Variants in CLMN observed in about 807,000 individuals in gnomAD.
CLMN encodes the protein calmin.
Under a neutral mutation model 92.7 loss-of-function variants are expected in CLMN, and 57 were observed. That is an observed-to-expected ratio of 0.61 (90% CI 0.50 to 0.77). CLMN has a LOEUF of 0.77. CLMN is among the 30% of genes least tolerant of loss of function. CLMN has a pLI of 0.00. For synonymous variants in CLMN, 466 were observed against 470.6 expected, an observed-to-expected ratio of 0.99 and a Z score of 0.13; for missense variants, 1,158 against 1,237.5, an observed-to-expected ratio of 0.94 and a Z score of 0.96.
chr14:95,235,149 C>T (rs1898011175), intron 1 of CLMN, among the ~76,000 whole-genome samples: 1 of 152,162 alleles, frequency 6.6e-6, no homozygotes, highest in Admixed American at 6.5e-5. Flanking sequence ...AGAGCAAGCA[C>T]ATGTACTCAT....
chr14:95,208,489 T>C (rs1481087202), intron 8 of CLMN, among the ~76,000 whole-genome samples: 1 of 152,214 alleles, frequency 6.6e-6, no homozygotes, highest in Non-Finnish European at 1.5e-5. Context: ...CATTGTCTTT[T>C]ATGATTTGTA....
intron 1 of CLMN, among the ~76,000 whole-genome samples, chr14:95,244,536 G>A (rs747729123): frequency 3.9e-5 from 6 of 152,132 alleles, no homozygotes; most frequent in South Asian, 2.1e-4. Context: ...AACTAAGAAC[G>A]CACAGAAACA....
At chr14:95,196,463 T>C in intron 10 of CLMN, 35 bp downstream of exon 10, 1 of 1,583,644 alleles carries the variant, frequency 6.3e-7, no homozygotes, top group Non-Finnish European at 8.6e-7. Flanking sequence ...ACTCTCTGGC[T>C]CCACCTTACG....
At chr14:95,312,077 A>G (rs1244895746) in intron 1 of CLMN, among the ~76,000 whole-genome samples, 1 of 152,048 alleles carries the variant, frequency 6.6e-6, no homozygotes, top group Admixed American at 6.5e-5. Flanking sequence ...CACCAAACTC[A>G]CAGAGAAACC....
intron 1 of CLMN, among the ~76,000 whole-genome samples, chr14:95,275,299 A>C (rs1012244350): frequency 6.6e-5 from 10 of 152,146 alleles, no homozygotes; most frequent in African/African-American, 2.4e-4. Context: ...ACCTGTCACA[A>C]AGACCCCACT....
intron 1 of CLMN, among the ~76,000 whole-genome samples, chr14:95,289,486 TAAATAAATAAATAAATAAATAAAC>T (rs1421811548): frequency 9.6e-6 from 1 of 104,416 alleles, no homozygotes; most frequent in Non-Finnish European, 2.1e-5. Flanking sequence ...AATAAATAAA[TAAATAAATAAATAAATAAATAAAC>T]AAACAAACAA....
intron 1 of CLMN, among the ~76,000 whole-genome samples, chr14:95,272,105 T>C (rs184362878): frequency 1.1e-4 from 17 of 152,264 alleles, no homozygotes; most frequent in African/African-American, 3.9e-4. Context: ...GAGAAAAGTG[T>C]GAAAAGAAAA....
intron 1 of CLMN, among the ~76,000 whole-genome samples, chr14:95,285,507 G>A (rs769423493): frequency 1.3e-5 from 2 of 152,170 alleles, no homozygotes; most frequent in Non-Finnish European, 2.9e-5. Flanking sequence ...TGGGCCTCTG[G>A]AGAAGCAGTG....
rs1896715454 is a variant in CLMN at position 95,196,487 on chromosome 14, G to T, written c.2708+11C>A. On this transcript the variant is annotated intron_variant, in intron 10 of 12. Transcript: ENST00000298912. The stretch of plus-strand genomic sequence containing the variant: ...CTCCACCTTACGGGTGAAAAGAGAT[G>T]AATAAAATACCTGGAAGGAATGCTG... 1 of 1,603,214 alleles carries T rather than the reference G, an allele frequency of 6.2e-7. No individual in the cohort carries two copies.
intron 1 of CLMN, among the ~76,000 whole-genome samples, chr14:95,264,646 T>C (rs1418624612): frequency 1.3e-5 from 2 of 152,350 alleles, no homozygotes; most frequent in Non-Finnish European, 1.5e-5. Context: ...TCTATGAGCA[T>C]GTTTAGAATA....
chr14:95,221,522 A>G (rs1331583502), intron 4 of CLMN, among the ~76,000 whole-genome samples, 169 bp downstream of exon 4: 1 of 152,198 alleles, frequency 6.6e-6, no homozygotes, highest in East Asian at 1.9e-4. Flanking sequence ...TATGTTCCCA[A>G]CGGAGGGGTC....
chr14:95,318,515 G>A (rs1005233318), intron 1 of CLMN, among the ~76,000 whole-genome samples: 3 of 152,136 alleles, frequency 2.0e-5, no homozygotes, highest in African/African-American at 7.2e-5. Context: ...ATTCAATCAG[G>A]TGTAATGTTT....
intron 8 of CLMN, among the ~76,000 whole-genome samples, chr14:95,208,103 C>G (rs1471787196): frequency 2.0e-5 from 3 of 152,066 alleles, no homozygotes; most frequent in Non-Finnish European, 4.4e-5. Flanking sequence ...AAGCAGCTCC[C>G]CTCTCCTGCA....
intron 1 of CLMN, among the ~76,000 whole-genome samples, chr14:95,281,640 A>G (rs555251640): frequency 6.6e-6 from 1 of 152,328 alleles, no homozygotes; most frequent in South Asian, 2.1e-4. Context: ...ACATATTGGA[A>G]TAGGCTAACA....
chr14:95,294,585 C>T lies in CLMN; in HGVS notation c.82+25126G>A, dbSNP rs542990084. Reference sequence around the variant, plus strand: ...TGATCTTGGGAAGTTACCTCCTGGTCTCTACCTTGTAGAAAAGGGCACTTA... The same window carrying T: ...TGATCTTGGGAAGTTACCTCCTGGTTTCTACCTTGTAGAAAAGGGCACTTA... On this transcript the variant is annotated intron_variant, in intron 1 of 12. Coordinates refer to ENST00000298912, the MANE Select transcript of CLMN (RefSeq NM_024734.4). The surrounding 1 kb of genome is among the most constrained non-coding windows in gnomAD (Gnocchi z 4.2). 6.6e-6 allele frequency among the ~76,000 whole-genome samples: 1 copy of T among 152,242 alleles called. No individual in the cohort carries two copies. The highest frequency in any genetic ancestry group is 2.4e-5 in the African/African-American group (1 of 41,468).
intron 1 of CLMN, among the ~76,000 whole-genome samples, chr14:95,281,699 T>C (rs1900149933): frequency 6.6e-6 from 1 of 152,270 alleles, no homozygotes; most frequent in African/African-American, 2.4e-5. Flanking sequence ...AGGAAAGCCT[T>C]CTTGTTTAGT....
At chr14:95,193,946 C>T (rs1218764015) in intron 11 of CLMN, 27 bp from the exon 12 acceptor site, 5 of 1,608,424 alleles carry the variant, frequency 3.1e-6, no homozygotes, top group Non-Finnish European at 4.2e-6. Flanking sequence ...AAACAAAAGC[C>T]CCCGCAACCC....
chr14:95,203,048 C>G lies in CLMN; in HGVS notation c.2301G>C (p.Leu767=). ...LEEPEGYMPD[L]DSREEEADGS... ...CATCGGCCTCCTCCTCCCTGGAGTC[C>G]AGGTCTGGCATATAGCCCTCTGGCT... is the stretch of plus-strand genomic sequence containing the variant. Residue 767 remains leucine (L), a synonymous_variant, in exon 9 of 13, where the codon CTG becomes CTC. Coordinates refer to ENST00000298912, the MANE Select transcript of CLMN (RefSeq NM_024734.4). 6.2e-7 allele frequency: 1 copy of G among 1,614,122 alleles called. No homozygotes were observed. The highest frequency in any genetic ancestry group is 8.5e-7 in the Non-Finnish European group (1 of 1,180,020).
At chr14:95,236,693 CAG>C (rs953828627) in intron 1 of CLMN, among the ~76,000 whole-genome samples, 1 of 152,232 alleles carries the variant, frequency 6.6e-6, no homozygotes, top group Admixed American at 6.5e-5. Context: ...CCACAGAAGA[CAG>C]AGAAGAGTTT....
Sources: gnomAD v4.1 joint callset for allele counts (sites outside exome capture counted in the v4.1 genomes callset) on GRCh38, gnomAD v4.1.1 for gene constraint, Gnocchi (gnomAD v3.1) non-coding constraint, MANE v1.5 for transcripts, NCBI Gene and HGNC (gene_info 2026-07-23, HGNC 2026-07-21) for gene names.